Variants in ARL6IP6 observed in about 807,000 individuals in gnomAD.
ARL6IP6 encodes ADP-ribosylation factor-like protein 6-interacting protein 6.
ARL6IP6 carries 22 observed loss-of-function variants against 21.5 expected under a neutral mutation model. That is an observed-to-expected ratio of 1.02 (90% CI 0.73 to 1.46). The LOEUF (loss-of-function observed/expected upper bound fraction) is 1.46, where lower values mean the gene tolerates loss of function less well. Ranked by LOEUF, ARL6IP6 falls within the 40% of genes most tolerant of loss-of-function variation. The probability of loss-of-function intolerance (pLI) is 0.00; values close to 1 mark genes in which losing one functional copy is unlikely to be tolerated. For missense variants in ARL6IP6, 388 were observed against 299.8 expected (o/e 1.29, Z -2.17); for synonymous variants, 164 against 125.3 (o/e 1.31, Z -2.06).
intron 2 of ARL6IP6, among the ~76,000 whole-genome samples, chr2:152,734,516 G>A (rs1336569597): frequency 1.3e-5 from 2 of 151,946 alleles, no homozygotes; most frequent in Non-Finnish European, 2.9e-5. Flanking sequence ...TTCGAAGCGG[G>A]GTTTCACTCT....
intron 2 of ARL6IP6, chr2:152,732,663 A>G (rs1009289940): frequency 5.5e-6 from 2 of 365,468 alleles, no homozygotes; most frequent in African/African-American, 2.2e-5. Flanking sequence ...GTGTTTACCT[A>G]TATACAGTTG....
intron 3 of ARL6IP6, among the ~76,000 whole-genome samples, chr2:152,755,077 G>A (rs1487668409): frequency 2.6e-5 from 4 of 151,998 alleles, no homozygotes; most frequent in African/African-American, 9.7e-5. Flanking sequence ...CATAACCTAG[G>A]AAAAACCAGG....
At chr2:152,736,926 G>A (rs958648531) in intron 3 of ARL6IP6, among the ~76,000 whole-genome samples, 2 of 152,154 alleles carry the variant, frequency 1.3e-5, no homozygotes, top group Non-Finnish European at 2.9e-5. Flanking sequence ...GGATTTTGGT[G>A]TTTGTGGGAA....
At chr2:152,720,461 C>A in intron 1 of ARL6IP6, 72 bp from the exon 2 acceptor site, 1 of 1,471,234 alleles carries the variant, frequency 6.8e-7, no homozygotes, top group Non-Finnish European at 9.5e-7. Context: ...TCCACAATGC[C>A]TTCACAGCCC....
intron 3 of ARL6IP6, among the ~76,000 whole-genome samples, chr2:152,752,405 T>C (rs1021261702): frequency 3.3e-5 from 5 of 152,338 alleles, no homozygotes; most frequent in Admixed American, 2.6e-4. Context: ...GTGCCTCTAG[T>C]ACCAGGGTTA....
chr2:152,731,957 C>A (rs1262196271), intron 2 of ARL6IP6, among the ~76,000 whole-genome samples: 1 of 152,014 alleles, frequency 6.6e-6, no homozygotes, highest in Non-Finnish European at 1.5e-5. Flanking sequence ...ATATCAGTAC[C>A]TAAAGAGCTT....
At chr2:152,746,001 CTTTTTTTTTT>C (rs67760283) in intron 3 of ARL6IP6, among the ~76,000 whole-genome samples, 15 of 66,390 alleles carry the variant, frequency 2.3e-4, no homozygotes, top group South Asian at 1.5e-3. Context: ...TGCTTTGTAC[CTTTTTTTTTT>C]TTTTTTTTTT....
intron 2 of ARL6IP6, among the ~76,000 whole-genome samples, chr2:152,729,954 G>A (rs966980770): frequency 1.3e-5 from 2 of 152,124 alleles, no homozygotes; most frequent in African/African-American, 4.8e-5. Context: ...GTACTGACTT[G>A]TAAAAAATTT....
intron 3 of ARL6IP6, among the ~76,000 whole-genome samples, chr2:152,745,873 A>G (rs1701017710): frequency 6.6e-6 from 1 of 152,136 alleles, no homozygotes; most frequent in Non-Finnish European, 1.5e-5. Context: ...ATATTGTGTA[A>G]GATATATTTC....
At chr2:152,734,910 A>G (rs555965357) in intron 2 of ARL6IP6, 84 bp from the exon 3 acceptor site, 1 of 1,339,646 alleles carries the variant, frequency 7.5e-7, no homozygotes, top group East Asian at 2.3e-5. Context: ...AGAAATATAC[A>G]TGATCTGAAC....
chr2:152,723,168 C>T (rs1413420182), intron 2 of ARL6IP6, among the ~76,000 whole-genome samples: 1 of 152,086 alleles, frequency 6.6e-6, no homozygotes, highest in Non-Finnish European at 1.5e-5. Flanking sequence ...TTAGTTTACC[C>T]CTGAGGAGAT....
At chr2:152,737,616 C>T (rs934598168) in intron 3 of ARL6IP6, among the ~76,000 whole-genome samples, 1 of 152,154 alleles carries the variant, frequency 6.6e-6, no homozygotes, top group Non-Finnish European at 1.5e-5. Flanking sequence ...AACAAAGGCA[C>T]ATCTTATATG....
At chr2:152,722,894 C>T (rs1699859423) in intron 2 of ARL6IP6, among the ~76,000 whole-genome samples, 1 of 152,166 alleles carries the variant, frequency 6.6e-6, no homozygotes, top group African/African-American at 2.4e-5. Context: ...AGCAACAGAG[C>T]AAGACTCCAA....
At chr2:152,745,288 G>A (rs1700992070) in intron 3 of ARL6IP6, among the ~76,000 whole-genome samples, 1 of 152,160 alleles carries the variant, frequency 6.6e-6, no homozygotes, top group Admixed American at 6.5e-5. Flanking sequence ...CAAGAAAAGG[G>A]AACAAGTTGA....
chr2:152,723,769 A>G (rs1699902328), intron 2 of ARL6IP6, among the ~76,000 whole-genome samples: 1 of 150,716 alleles, frequency 6.6e-6, no homozygotes, highest in Non-Finnish European at 1.5e-5. Context: ...TTTGGCCATC[A>G]TGATTTCGTG....
intron 3 of ARL6IP6, among the ~76,000 whole-genome samples, chr2:152,744,654 C>T (rs1197181179): frequency 6.6e-6 from 1 of 152,072 alleles, no homozygotes; most frequent in East Asian, 1.9e-4. Context: ...GTATCTGCTA[C>T]CTTCCTCATG....
intron 2 of ARL6IP6, among the ~76,000 whole-genome samples, chr2:152,722,535 T>C (rs1699836927): frequency 6.6e-6 from 1 of 152,184 alleles, no homozygotes; most frequent in Non-Finnish European, 1.5e-5. Flanking sequence ...AGAGAATAGT[T>C]GTCTCTACCA....
rs190728565 is a variant in ARL6IP6, at chr2:152,735,327, C to T, written c.587+201C>T. 9.1e-3 allele frequency among the ~76,000 whole-genome samples: 1,383 copies of T among 151,986 alleles called. 10 individuals carry two copies. Among genetic ancestry groups the T allele is most frequent in the Middle Eastern group, 0.02 (6 of 294 alleles). On this transcript the variant is annotated intron_variant, in intron 3 of 3. Transcript: ENST00000326446. ...TTTAAAATTCTATATCTAGATAATG[C>T]TTTTTTTTCTAAAAACTGAAATTCA...
At chr2:152,726,134 TAA>T (rs977647423) in intron 2 of ARL6IP6, among the ~76,000 whole-genome samples, 2 of 150,476 alleles carry the variant, frequency 1.3e-5, no homozygotes, top group Non-Finnish European at 3.0e-5. Flanking sequence ...TGATCTGTAA[TAA>T]AAGTGTTGGG....
Sources: gnomAD v4.1 joint callset for allele counts (sites outside exome capture counted in the v4.1 genomes callset) on GRCh38, gnomAD v4.1.1 for gene constraint, MANE v1.5 for transcripts, NCBI Gene and HGNC (gene_info 2026-07-23, HGNC 2026-07-21) for gene names.